The following TUBGCP2 variants were observed in gnomAD, a reference collection of about 807,000 sequenced individuals.
The protein encoded by TUBGCP2 is gamma-tubulin complex component 2.
Under a neutral mutation model 92.2 loss-of-function variants are expected in TUBGCP2, and 55 were observed. The ratio of observed to expected loss-of-function variants is 0.60; its 90% CI spans 0.48 to 0.75. TUBGCP2 has a LOEUF of 0.75. Among genes scored for constraint, TUBGCP2 ranks in the 30% least tolerant of loss-of-function variants. TUBGCP2 has a pLI of 0.00. For synonymous variants in TUBGCP2, 533 were observed against 505.2 expected (o/e 1.06, Z -0.74); for missense variants, 1,093 against 1,188.9 (o/e 0.92, Z 1.19).
In TUBGCP2 at chr10:133,285,583, G is replaced by A. The variant is rs1847117214; in HGVS notation, c.1768C>T (p.Leu590=). Residue 590 remains leucine, a synonymous_variant, in exon 12 of 18, where the codon CTG becomes TTG. Transcript: ENST00000252936. The surrounding 1 kb of genome is among the most constrained non-coding windows in gnomAD (Gnocchi z 6.8). ...HDLITQLLRV[L]AIETKQEKAM... ...TTCTCCTGCTTGGTCTCGATGGCCA[G>A]GACGCGCAAGAGCTGAGTGATGAGG... 6.5e-7 allele frequency: 1 copy of A among 1,549,880 alleles called. No individual in the cohort carries two copies. Among genetic ancestry groups the A allele is most frequent in the Non-Finnish European group, 8.7e-7 (1 of 1,145,884 alleles).
At chr10:133,310,589 G>A, upstream of TUBGCP2, 1 of 412,316 alleles carries the variant, frequency 2.4e-6, no homozygotes, top group Non-Finnish European at 4.5e-6. Context: ...TCTGGGCCAT[G>A]CCTGTACCTC....
rs1431240703 is a variant in TUBGCP2 at position 133,293,091 on chromosome 10, G to A, written c.972C>T (p.Leu324=). 1 of 1,613,820 alleles carries A rather than the reference G, an allele frequency of 6.2e-7. No homozygotes were observed. The highest frequency in any genetic ancestry group is 8.5e-7 in the Non-Finnish European group (1 of 1,180,038). The change falls in exon 7 of 18, where the codon CTC becomes CTT. Residue 324 remains leucine, a synonymous_variant. Coordinates refer to ENST00000252936, the MANE Select transcript of TUBGCP2 (RefSeq NM_006659.4). ...GCATGGCTGGCTGGATGTAGAACCA[G>A]AGCTTCTGCAGCGAAAGGAGGCCCT... The part of the protein sequence containing the change: ...HRQGLLSLQK[L]WFYIQPAMRT...
At chr10:133,289,991 C>A (rs145092719) in intron 8 of TUBGCP2, 22 bp from the exon 9 acceptor site, 2 of 1,605,154 alleles carry the variant, frequency 1.2e-6, no homozygotes, top group Non-Finnish European at 1.7e-6. Context: ...GGGAGCGCTT[C>A]GGTCACAGGC....
intron 1 of TUBGCP2, among the ~76,000 whole-genome samples, chr10:133,304,070 C>T (rs1039838925): frequency 2.0e-5 from 3 of 152,234 alleles, no homozygotes; most frequent in Non-Finnish European, 4.4e-5. Context: ...CAGTGGCTCT[C>T]GCCTGGAATC....
At position 133,285,482 on chromosome 10, in the gene TUBGCP2, C is replaced by G; in HGVS notation, c.1869G>C (p.Lys623Asn). The G allele has an allele frequency of 6.2e-7, 1 of 1,613,420 alleles. No homozygotes were observed. The highest frequency in any genetic ancestry group is 8.5e-7 in the Non-Finnish European group (1 of 1,179,660). Residue 623 changes from lysine (K) to asparagine (N), a missense_variant, in exon 12 of 18, where the codon AAG (lysine) becomes AAC (asparagine). Lys to Asn is a moderately conservative substitution (Grantham distance 94, BLOSUM62 0). Coordinates refer to ENST00000252936, the MANE Select transcript of TUBGCP2 (RefSeq NM_006659.4). The surrounding 1 kb of genome is among the most constrained non-coding windows in gnomAD (Gnocchi z 6.8). ...TGTTGATGATGAGCGAAAGGGGCCA[C>G]TTGACGATGTAGTCGAAAGAGAAGG... Reference protein sequence around the residue: ...LEAFSFDYIVKWPLSLIINRK... With the variant: ...LEAFSFDYIVNWPLSLIINRK...
intron 14 of TUBGCP2, among the ~76,000 whole-genome samples, chr10:133,283,525 C>A (rs991975944): frequency 6.6e-6 from 1 of 152,258 alleles, no homozygotes; most frequent in African/African-American, 2.4e-5. Flanking sequence ...GGAGAGACAA[C>A]CTCGGGGCAA....
intron 11 of TUBGCP2, 74 bp downstream of exon 11, chr10:133,288,055 G>T: frequency 6.6e-7 from 1 of 1,523,000 alleles, no homozygotes. Context: ...GACAGGGCTG[G>T]CCTCTGCTGT....
chr10:133,294,408 A>C (rs1311186315), intron 5 of TUBGCP2, among the ~76,000 whole-genome samples: 1 of 152,180 alleles, frequency 6.6e-6, no homozygotes, highest in African/African-American at 2.4e-5. Context: ...GCCCCGTGCC[A>C]GCCAGACCAT....
At chr10:133,287,802 TCCTGAAACCCTTTCAAAAGA>T (rs1235712599) in intron 11 of TUBGCP2, among the ~76,000 whole-genome samples, 7 of 150,974 alleles carry the variant, frequency 4.6e-5, no homozygotes, top group East Asian at 2.0e-4. Flanking sequence ...TTAACACCAC[TCCTGAAACCCTTTCAAAAGA>T]CCTGAAACCC....
chr10:133,311,873 C>A (rs374152367), upstream of TUBGCP2: 3 of 1,613,316 alleles, frequency 1.9e-6, no homozygotes, highest in Non-Finnish European at 2.5e-6. Context: ...GAAACCCGTT[C>A]TCAACATGTG....
At chr10:133,308,228 T>C (rs11101690) in intron 1 of TUBGCP2, among the ~76,000 whole-genome samples, 30,632 of 152,088 alleles carry the variant, frequency 0.2, 3,873 homozygotes, top group African/African-American at 0.35. Context: ...CTGACGTCTG[T>C]CTCTCCTACA....
At chr10:133,291,314 G>GT (rs1484693479) in intron 8 of TUBGCP2, among the ~76,000 whole-genome samples, 34 of 68,150 alleles carry the variant, frequency 5.0e-4, no homozygotes, top group East Asian at 9.6e-4. Flanking sequence ...CTACCTGTAC[G>GT]GGAGAGGGCA....
chr10:133,293,289 A>G (rs1294146079), intron 6 of TUBGCP2, 51 bp from the exon 7 acceptor site: 2 of 1,585,056 alleles, frequency 1.3e-6, no homozygotes, highest in Admixed American at 3.3e-5. Flanking sequence ...GCAGGCACAT[A>G]CAATGTCCGA....
rs890784176 is a variant in TUBGCP2, at chr10:133,285,701, C to G, written c.1723-73G>C. The G allele has an allele frequency of 7.1e-7, 1 of 1,416,416 alleles. No individual in the cohort carries two copies. The highest frequency in any genetic ancestry group is 9.3e-7 in the Non-Finnish European group (1 of 1,075,232). The allele number at this position is 1,416,416 out of a possible 1,614,324, so 87.7% of individuals were successfully genotyped here. ...CCCGAAGTCGCATCCCGATCGCCAT[C>G]CTCGCTCACAGACCCAGCGCTGACG... On this transcript the variant is annotated intron_variant, in intron 11 of 17. Transcript: ENST00000252936. The surrounding 1 kb of genome is among the most constrained non-coding windows in gnomAD (Gnocchi z 6.8).
In TUBGCP2 at chr10:133,283,179, G is replaced by A. The variant is rs563566280; in HGVS notation, c.2188C>T (p.Leu730=). ...DDVLGHHTGF[L]DTCLKDCMLT... ...ATGCAGTCCTTCAGGCAGGTGTCCA[G>A]GAAGCCTGTGTGGTGGCCAAGGACG... The change falls in exon 15 of 18, where the codon CTG becomes TTG. Residue 730 remains leucine, a synonymous_variant. Coordinates refer to ENST00000252936, the MANE Select transcript of TUBGCP2 (RefSeq NM_006659.4). 7.9e-5 allele frequency: 128 copies of A among 1,614,216 alleles called. 1 individual carries two copies. In the South Asian group the frequency reaches 1.3e-3, roughly 17 times the overall value.
chr10:133,302,531 G>A, intron 2 of TUBGCP2: 1 of 461,294 alleles, frequency 2.2e-6, no homozygotes, highest in South Asian at 2.5e-5. Flanking sequence ...CTGACCCAGG[G>A]ACGACGCTCA....
At position 133,293,806 on chromosome 10, in the gene TUBGCP2, C is replaced by G. The variant is rs781283586; in HGVS notation, c.617-37G>C. The G allele has an allele frequency of 2.8e-5, 43 of 1,544,042 alleles. No individual in the cohort carries two copies. The Middle Eastern group carries it at 5.3e-4, about 19-fold the overall frequency. ...GACAGCGCTGTGGCTCTGCAGCCCC[C>G]ACTCCCATGCCCCCACAGCCACGTG... On this transcript the variant is annotated intron_variant, in intron 5 of 17. Coordinates refer to ENST00000252936, the MANE Select transcript of TUBGCP2 (RefSeq NM_006659.4).
rs1846895295 is a variant in TUBGCP2, at chr10:133,279,067, G to C, written c.*699C>G. ...CAGATGATCGCCCGAGGGGGATTGG[G>C]TGTCAGTCTGCTGAGTAAGTTCTAC... On this transcript the variant is annotated 3_prime_UTR_variant, in exon 18 of 18. Transcript: ENST00000252936. The C allele has an allele frequency of 6.6e-6, 1 of 152,334 alleles. No homozygotes were observed. Among genetic ancestry groups the C allele is most frequent in the Admixed American group, 6.5e-5 (1 of 15,288 alleles). The allele number at this position is 152,334 out of a possible 1,614,324, so 9.4% of individuals were successfully genotyped here.
intron 1 of TUBGCP2, among the ~76,000 whole-genome samples, chr10:133,304,204 G>A (rs1342279365): frequency 2.6e-5 from 4 of 152,144 alleles, no homozygotes; most frequent in African/African-American, 9.7e-5. Flanking sequence ...GGTAGCATAT[G>A]CCTGTAGTCT....
Sources: gnomAD v4.1 joint callset for allele counts (sites outside exome capture counted in the v4.1 genomes callset) on GRCh38, gnomAD v4.1.1 for gene constraint, Gnocchi (gnomAD v3.1) non-coding constraint, MANE v1.5 for transcripts, NCBI Gene and HGNC (gene_info 2026-07-23, HGNC 2026-07-21) for gene names.